Variants in NCOA2 observed in about 807,000 individuals in gnomAD.
NCOA2 encodes nuclear receptor coactivator 2, also known as class E basic helix-loop-helix protein 75.
A neutral mutation model predicts 145.1 loss-of-function variants in NCOA2; 21 were observed. The ratio of observed to expected loss-of-function variants is 0.14; its 90% CI spans 0.10 to 0.21. The LOEUF is 0.21. Ranked by LOEUF, NCOA2 falls within the 10% of genes least tolerant of loss-of-function variation. The pLI is 1.00. For synonymous variants in NCOA2, 619 were observed against 637.5 expected, an observed-to-expected ratio of 0.97 and a Z score of 0.44; for missense variants, 1,472 against 1,837.6, an observed-to-expected ratio of 0.80 and a Z score of 3.64.
chr8:70,290,739 T>C (rs1043803485), intron 2 of NCOA2, among the ~76,000 whole-genome samples: 1 of 152,118 alleles, frequency 6.6e-6, no homozygotes, highest in Admixed American at 6.5e-5. Context: ...GATAATTTTA[T>C]AAATGCTTAA....
At chr8:70,159,408 G>A (rs998063405) in intron 10 of NCOA2, 97 bp downstream of exon 10, 3 of 1,125,678 alleles carry the variant, frequency 2.7e-6, no homozygotes, top group African/African-American at 3.1e-5. Flanking sequence ...GAGAAGAAAT[G>A]TCTAACAAAT....
At chr8:70,416,719 A>G in the NCOA2 span, among the ~76,000 whole-genome samples, 1 of 152,202 alleles carries the variant, frequency 6.6e-6, no homozygotes. Context: ...AAGGGCTTTC[A>G]TGCTTTATCA....
intron 2 of NCOA2, among the ~76,000 whole-genome samples, chr8:70,274,754 C>CT (rs1414126219): frequency 3.3e-5 from 5 of 152,172 alleles, no homozygotes; most frequent in Non-Finnish European, 7.4e-5. Flanking sequence ...TCTAAGACTC[C>CT]TTTACAAAAT....
rs560768671 is a variant in NCOA2 at position 70,141,267 on chromosome 8, C to T, written c.2945G>A (p.Arg982Gln). 60 of 1,613,846 alleles carry T rather than the reference C, an allele frequency of 3.7e-5. No homozygotes were observed. In the East Asian group the frequency reaches 7.4e-4, roughly 20 times the overall value. ...MNRPVQGGMIRNPAASIPMRP... is the reference protein window; with the variant it reads ...MNRPVQGGMIQNPAASIPMRP... ...CATGGGGATGCTGGCTGCTGGGTTC[C>T]GAATCATACCTCCTTGGACTGGCCG... Residue 982 changes from arginine to glutamine, a missense_variant, in exon 14 of 23, where the codon CGG becomes CAG. Around this residue, in one of 4 missense-constraint regions of NCOA2, gnomAD observed 953 missense variants for 1,062.1 expected, o/e 0.90. Coordinates refer to ENST00000452400, the MANE Select transcript of NCOA2 (RefSeq NM_006540.4).
chr8:70,415,975 G>A, the NCOA2 span, among the ~76,000 whole-genome samples: 1 of 152,042 alleles, frequency 6.6e-6, no homozygotes, highest in Admixed American at 6.6e-5. Flanking sequence ...AAACATTTTT[G>A]TATTAGAGTT....
At chr8:70,334,701 C>G (rs1239635909) in intron 1 of NCOA2, among the ~76,000 whole-genome samples, 1 of 152,200 alleles carries the variant, frequency 6.6e-6, no homozygotes, top group African/African-American at 2.4e-5. Context: ...GCATCAAATA[C>G]TCTACCTGAT....
intron 1 of NCOA2, among the ~76,000 whole-genome samples, chr8:70,327,458 T>C (rs562289738): frequency 6.6e-6 from 1 of 152,332 alleles, no homozygotes; most frequent in East Asian, 1.9e-4. Flanking sequence ...CCAAAACTGC[T>C]TTAATTGCTT....
chr8:70,355,903 T>TA (rs1325442415), intron 1 of NCOA2, among the ~76,000 whole-genome samples: 10 of 152,224 alleles, frequency 6.6e-5, no homozygotes, highest in Admixed American at 6.5e-5. Flanking sequence ...TACTTCTACT[T>TA]ATATATTACA....
intron 4 of NCOA2, 54 bp from the exon 5 acceptor site, chr8:70,174,913 G>C: frequency 6.7e-7 from 1 of 1,488,478 alleles, no homozygotes; most frequent in East Asian, 2.3e-5. Flanking sequence ...AGGACAGAGT[G>C]ACACAGAAAT....
intron 1 of NCOA2, among the ~76,000 whole-genome samples, chr8:70,342,957 T>C (rs1231150114): frequency 6.6e-6 from 1 of 152,038 alleles, no homozygotes; most frequent in Non-Finnish European, 1.5e-5. Context: ...TACATGAAGA[T>C]AGTATTTCAG....
At chr8:70,213,752 T>C in intron 4 of NCOA2, 151 bp downstream of exon 4, 1 of 681,230 alleles carries the variant, frequency 1.5e-6, no homozygotes, top group Non-Finnish European at 2.4e-6. Context: ...CCACTGCAAG[T>C]GATACTTGCA....
intron 1 of NCOA2, among the ~76,000 whole-genome samples, chr8:70,377,459 A>ATTAAATCAT (rs1554639740): frequency 6.6e-6 from 1 of 152,190 alleles, no homozygotes; most frequent in Admixed American, 6.5e-5. Context: ...GTTACAAAGG[A>ATTAAATCAT]TTAAATCATT....
intron 2 of NCOA2, among the ~76,000 whole-genome samples, chr8:70,250,055 C>T (rs1356628214): frequency 6.6e-6 from 1 of 150,820 alleles, no homozygotes; most frequent in Non-Finnish European, 1.5e-5. Context: ...TCATTTTCAT[C>T]CTAATTTCCA....
intron 2 of NCOA2, among the ~76,000 whole-genome samples, chr8:70,267,392 GTTTTTTTTTTT>G (rs34028372): frequency 9.8e-6 from 1 of 102,496 alleles, no homozygotes; most frequent in Admixed American, 1.2e-4. Flanking sequence ...TTTCCTTTCT[GTTTTTTTTTTT>G]TTTTTTTTTC....
At chr8:70,213,020 G>A (rs1165310977) in intron 4 of NCOA2, among the ~76,000 whole-genome samples, 1 of 148,888 alleles carries the variant, frequency 6.7e-6, no homozygotes, top group Non-Finnish European at 1.5e-5. Flanking sequence ...GGAGGCAGAG[G>A]TTGCAGTGAG....
At chr8:70,413,426 G>C in the NCOA2 span, among the ~76,000 whole-genome samples, 1 of 152,022 alleles carries the variant, frequency 6.6e-6, no homozygotes, top group Admixed American at 6.6e-5. Flanking sequence ...GGGAACTAAA[G>C]AACATTCAAA....
chr8:70,204,310 T>C (rs1167624538), intron 4 of NCOA2, among the ~76,000 whole-genome samples: 1 of 152,054 alleles, frequency 6.6e-6, no homozygotes, highest in African/African-American at 2.4e-5. Context: ...GACCGGCGAA[T>C]AGGATTTCAA....
chr8:70,424,247 G>T, the NCOA2 span: 6 of 379,420 alleles, frequency 1.6e-5, no homozygotes, highest in South Asian at 1.3e-4. Flanking sequence ...TTCTTCAGTT[G>T]CTCCAGGTCT....
intron 1 of NCOA2, among the ~76,000 whole-genome samples, chr8:70,395,243 TTATTTA>T (rs1813547181): frequency 6.6e-6 from 1 of 152,202 alleles, no homozygotes; most frequent in African/African-American, 2.4e-5. Flanking sequence ...GTTTGAATCA[TTATTTA>T]TCATTCCACC....
Sources: gnomAD v4.1 joint callset for allele counts (sites outside exome capture counted in the v4.1 genomes callset) on GRCh38, gnomAD v4.1.1 for gene constraint, gnomAD v4.1.1 regional missense constraint, MANE v1.5 for transcripts, NCBI Gene and HGNC (gene_info 2026-07-23, HGNC 2026-07-21) for gene names.